SHANK2: variants seen among roughly 807,000 people sequenced by gnomAD.
The protein encoded by SHANK2 is SH3 and multiple ankyrin repeat domains 2, also known as SH3 and multiple ankyrin repeat domains protein 2.
Under a neutral mutation model 133.7 loss-of-function variants are expected in SHANK2, and 43 were observed. That is an observed-to-expected ratio of 0.32 (90% CI 0.25 to 0.41). The LOEUF is 0.41. Ranked by LOEUF, SHANK2 falls within the 10% of genes least tolerant of loss-of-function variation. SHANK2 has a pLI of 1.00. For missense variants in SHANK2, 1,994 were observed against 2,235.8 expected, an observed-to-expected ratio of 0.89 and a Z score of 2.18; for synonymous variants, 1,017 against 952.8, an observed-to-expected ratio of 1.07 and a Z score of -1.24.
intron 12 of SHANK2, among the ~76,000 whole-genome samples, chr11:70,810,254 C>A (rs564255504): frequency 6.6e-6 from 1 of 152,322 alleles, no homozygotes; most frequent in South Asian, 2.1e-4. Context: ...GCCAGGCCCC[C>A]ACCTGAGAGG....
intron 11 of SHANK2, among the ~76,000 whole-genome samples, chr11:70,868,982 C>T (rs138105507): frequency 3.6e-4 from 55 of 152,262 alleles, no homozygotes; most frequent in Non-Finnish European, 7.1e-4. Flanking sequence ...AGCATGTGTG[C>T]GACTGTATAG....
chr11:71,087,530 G>A (rs1951435182), intron 8 of SHANK2, among the ~76,000 whole-genome samples: 1 of 152,200 alleles, frequency 6.6e-6, no homozygotes, highest in Non-Finnish European at 1.5e-5. Context: ...AGAGCACTGT[G>A]ATGTCTAAAG....
chr11:70,809,426 A>G (rs1368095248), intron 12 of SHANK2, among the ~76,000 whole-genome samples: 1 of 152,174 alleles, frequency 6.6e-6, no homozygotes, highest in Non-Finnish European at 1.5e-5. Context: ...GGCATTTAAC[A>G]TAAGCCTCCC....
intron 2 of SHANK2, among the ~76,000 whole-genome samples, chr11:71,151,769 C>T (rs567952898): frequency 4.8e-5 from 7 of 146,772 alleles, no homozygotes; most frequent in African/African-American, 1.3e-4. Flanking sequence ...GGTCAGATAA[C>T]GTCTGACTGG....
At chr11:70,541,000 C>T (rs1267427296) in intron 17 of SHANK2, among the ~76,000 whole-genome samples, 2 of 152,170 alleles carry the variant, frequency 1.3e-5, no homozygotes, top group Non-Finnish European at 1.5e-5. Flanking sequence ...TTCCCCAGCC[C>T]CTGGCACTCA....
intron 12 of SHANK2, among the ~76,000 whole-genome samples, chr11:70,812,310 C>T (rs549782421): frequency 1.1e-4 from 16 of 152,346 alleles, no homozygotes; most frequent in Non-Finnish European, 1.3e-4. Context: ...GTGGTGTACA[C>T]GGTTGCAGGC....
rs1312987941 is a variant in SHANK2 at position 70,933,911 on chromosome 11, A to C, written c.1108-37344T>G. ...CAAGACTGTGTCTCAAAAAAAAAAAAAAACAAAAAACAAACAAACAAACAA... is the reference window on the plus strand; with the variant it reads ...CAAGACTGTGTCTCAAAAAAAAAAACAAACAAAAAACAAACAAACAAACAA... On this transcript the variant is annotated intron_variant, in intron 10 of 25. Coordinates refer to ENST00000601538, the MANE Select transcript of SHANK2 (RefSeq NM_012309.5). 6.0e-4 allele frequency among the ~76,000 whole-genome samples: 90 copies of C among 150,836 alleles called. 1 individual carries two copies. The highest frequency in any genetic ancestry group is 2.7e-3 in the Admixed American group (41 of 15,198).
At chr11:71,192,691 C>G (rs1303547350) in intron 2 of SHANK2, among the ~76,000 whole-genome samples, 1 of 152,204 alleles carries the variant, frequency 6.6e-6, no homozygotes, top group African/African-American at 2.4e-5. Context: ...ATTTCATACT[C>G]TCTGTCTTCA....
intron 17 of SHANK2, among the ~76,000 whole-genome samples, chr11:70,608,666 G>A (rs1446851353): frequency 1.3e-5 from 2 of 152,196 alleles, no homozygotes; most frequent in East Asian, 3.8e-4. Flanking sequence ...GCTTCCTCAG[G>A]GCCTCTCTCC....
intron 2 of SHANK2, among the ~76,000 whole-genome samples, chr11:71,167,805 C>T (rs1260594130): frequency 1.4e-5 from 2 of 143,236 alleles, no homozygotes; most frequent in Non-Finnish European, 1.5e-5. Context: ...GCTGATCCCC[C>T]CACCTCCCTC....
At chr11:70,693,397 G>T (rs529476301) in intron 15 of SHANK2, among the ~76,000 whole-genome samples, 24 of 152,246 alleles carry the variant, frequency 1.6e-4, no homozygotes, top group Non-Finnish European at 1.0e-4. Context: ...TCACCCCAGT[G>T]CTTCTGCACT....
At chr11:70,594,999 G>A (rs1049818562) in intron 17 of SHANK2, among the ~76,000 whole-genome samples, 3 of 152,152 alleles carry the variant, frequency 2.0e-5, no homozygotes, top group African/African-American at 2.4e-5. Context: ...GCCGGGAGCC[G>A]GGTCTCTCTG....
chr11:71,151,087 T>C (rs1952788154), intron 2 of SHANK2, among the ~76,000 whole-genome samples: 1 of 152,122 alleles, frequency 6.6e-6, no homozygotes, highest in Non-Finnish European at 1.5e-5. Context: ...CTATGTCCTC[T>C]GCACCCTGGA....
chr11:70,772,863 G>A (rs1056784681), intron 14 of SHANK2, among the ~76,000 whole-genome samples: 1 of 152,178 alleles, frequency 6.6e-6, no homozygotes. Flanking sequence ...AAAGCGTCTT[G>A]CTTGGGTCAC....
At chr11:71,099,541 T>C (rs530477948) in intron 6 of SHANK2, among the ~76,000 whole-genome samples, 2 of 152,326 alleles carry the variant, frequency 1.3e-5, no homozygotes, top group South Asian at 4.1e-4. Flanking sequence ...TAAAAAATGC[T>C]GCTGCTCAGA....
chr11:70,551,753 C>T (rs1477637490), intron 17 of SHANK2, among the ~76,000 whole-genome samples: 1 of 152,228 alleles, frequency 6.6e-6, no homozygotes, highest in African/African-American at 2.4e-5. Context: ...AGCTGTGGGC[C>T]CCACCTGGGG....
At chr11:70,880,497 G>A (rs1949642957) in intron 11 of SHANK2, among the ~76,000 whole-genome samples, 1 of 152,228 alleles carries the variant, frequency 6.6e-6, no homozygotes, top group Non-Finnish European at 1.5e-5. Context: ...AGCCGGAGAG[G>A]CAGGTGGAGC....
At chr11:71,214,907 G>A (rs1053598047) in intron 2 of SHANK2, among the ~76,000 whole-genome samples, 9 of 152,228 alleles carry the variant, frequency 5.9e-5, no homozygotes, top group Admixed American at 5.2e-4. Flanking sequence ...AGGTATTGAA[G>A]GCCACCAAGC....
intron 17 of SHANK2, among the ~76,000 whole-genome samples, chr11:70,529,536 A>C (rs992505939): frequency 6.6e-6 from 1 of 152,344 alleles, no homozygotes; most frequent in South Asian, 2.1e-4. Context: ...CAGGGATTCC[A>C]AGATCTATAC....
Sources: gnomAD v4.1 joint callset for allele counts (sites outside exome capture counted in the v4.1 genomes callset) on GRCh38, gnomAD v4.1.1 for gene constraint, MANE v1.5 for transcripts, NCBI Gene and HGNC (gene_info 2026-07-23, HGNC 2026-07-21) for gene names.